Variants in CD302 observed in about 807,000 individuals in gnomAD.
CD302 encodes the protein CD302 antigen.
A neutral mutation model predicts 26.5 loss-of-function variants in CD302; 23 were observed. That is an observed-to-expected ratio of 0.87 (90% CI 0.62 to 1.23). CD302 has a LOEUF of 1.23. CD302 is among the 50% of genes most tolerant of loss of function. The probability of loss-of-function intolerance (pLI) is 0.00; values close to 1 mark genes in which losing one functional copy is unlikely to be tolerated. For synonymous variants in CD302, 90 were observed against 99.4 expected, an observed-to-expected ratio of 0.91 and a Z score of 0.56; for missense variants, 290 against 275.5, an observed-to-expected ratio of 1.05 and a Z score of -0.37.
intron 1 of CD302, among the ~76,000 whole-genome samples, chr2:159,786,339 T>C (rs1351151737): frequency 6.7e-6 from 1 of 148,610 alleles, no homozygotes; most frequent in Non-Finnish European, 1.5e-5. Flanking sequence ...TTTCTTTTTT[T>C]TTTTTTTTTT....
At chr2:159,795,562 T>C (rs1708930527) in intron 1 of CD302, among the ~76,000 whole-genome samples, 1 of 152,100 alleles carries the variant, frequency 6.6e-6, no homozygotes, top group Non-Finnish European at 1.5e-5. Flanking sequence ...AGATAAAACA[T>C]GGACATGTGA....
chr2:159,779,243 A>C lies in CD302; in HGVS notation c.469+762T>G, dbSNP rs1248670579. On this transcript the variant is annotated intron_variant, in intron 4 of 5. Coordinates refer to ENST00000259053, the MANE Select transcript of CD302 (RefSeq NM_014880.5). ...GAGACTGCATCGCAAAAAAAAAAAA[A>C]AAAAAAAAAAAAACCTTCTGACGGG... Among the ~76,000 whole-genome samples the C allele has an allele frequency of 4.0e-5, 6 of 151,416 alleles. No individual in the cohort carries two copies. The East Asian group carries it at 5.8e-4, about 15-fold the overall frequency.
At chr2:159,780,287 C>A in intron 3 of CD302, 109 bp from the exon 4 acceptor site, 1 of 1,174,448 alleles carries the variant, frequency 8.5e-7, no homozygotes, top group East Asian at 2.5e-5. Flanking sequence ...CTGGTCTAAA[C>A]TTCTGATTGT....
chr2:159,792,659 AC>A (rs1708839569), intron 1 of CD302, among the ~76,000 whole-genome samples: 1 of 152,084 alleles, frequency 6.6e-6, no homozygotes. Context: ...TGGACAACTT[AC>A]GATTTTTTGA....
chr2:159,797,993 G>T, intron 1 of CD302, 139 bp downstream of exon 1: 1 of 769,034 alleles, frequency 1.3e-6, no homozygotes, highest in South Asian at 1.9e-5. Context: ...GGGGACGGGC[G>T]TGCAGGGAAG....
chr2:159,785,463 A>G (rs1168060307), intron 1 of CD302, among the ~76,000 whole-genome samples: 1 of 152,216 alleles, frequency 6.6e-6, no homozygotes, highest in East Asian at 1.9e-4. Context: ...AAACATTAAA[A>G]CAATCTGGCT....
chr2:159,774,758 C>G (rs79306938), intron 5 of CD302, among the ~76,000 whole-genome samples: 9,835 of 152,292 alleles, frequency 0.065, 400 homozygotes, highest in Non-Finnish European at 0.093. Context: ...ACACTAGGTG[C>G]ATCCGACTAT....
intron 2 of CD302, 69 bp from the exon 3 acceptor site, chr2:159,781,067 AAAT>A (rs1375679635): frequency 1.6e-6 from 2 of 1,227,454 alleles, no homozygotes; most frequent in African/African-American, 1.5e-5. Flanking sequence ...AGGTACATAA[AAAT>A]AATAAATAGT....
chr2:159,781,419 G>C (rs903932836), intron 2 of CD302: 2 of 156,790 alleles, frequency 1.3e-5, no homozygotes, highest in African/African-American at 4.8e-5. Flanking sequence ...AATTAGTTGG[G>C]TCTGGTGGCA....
intron 1 of CD302, among the ~76,000 whole-genome samples, chr2:159,791,056 A>G (rs1708794233): frequency 1.3e-5 from 2 of 152,220 alleles, no homozygotes; most frequent in South Asian, 4.1e-4. Flanking sequence ...ATTAAGGTAT[A>G]TTCTTATTTC....
In CD302 at chr2:159,798,194, A is replaced by G; in HGVS notation, c.5T>C (p.Leu2Pro). The change falls in exon 1 of 6, where the codon CTC (leucine) becomes CCC (proline). Residue 2 changes from leucine to proline, a missense_variant. Coordinates refer to ENST00000259053, the MANE Select transcript of CD302 (RefSeq NM_014880.5). ...CAGGAGCGCGGGCAGCGCGGCCCGG[A>G]GCATGACGGCGGGTGCGGGTGGGCG... M[L>P]RAALPALLLP... The G allele has an allele frequency of 2.1e-6, 3 of 1,449,056 alleles. No homozygotes were observed. Among genetic ancestry groups the G allele is most frequent in the Admixed American group, 2.5e-5 (1 of 39,376 alleles). 89.8% of individuals were successfully genotyped at this position (1,449,056 alleles called of 1,614,324 possible). A position where few individuals can be genotyped will look rare whatever the true frequency, so the allele number is the denominator to read the frequency against.
chr2:159,784,973 T>A (rs1332288088), intron 1 of CD302, among the ~76,000 whole-genome samples: 1 of 8,842 alleles, frequency 1.1e-4, no homozygotes, highest in Admixed American at 1.6e-3. Flanking sequence ...CCGTACAGAC[T>A]TTTTTTTTTT....
chr2:159,794,649 C>T (rs1223246991), intron 1 of CD302, among the ~76,000 whole-genome samples: 1 of 151,626 alleles, frequency 6.6e-6, no homozygotes, highest in Non-Finnish European at 1.5e-5. Flanking sequence ...CCTGGGTTCA[C>T]GCCATTCTCC....
At chr2:159,795,603 G>C (rs1574506347) in intron 1 of CD302, among the ~76,000 whole-genome samples, 1 of 152,364 alleles carries the variant, frequency 6.6e-6, no homozygotes, top group South Asian at 2.1e-4. Flanking sequence ...GGAGGCTTCG[G>C]AGAAGGTGAC....
intron 1 of CD302, among the ~76,000 whole-genome samples, chr2:159,797,578 T>G (rs1682494240): frequency 1.3e-5 from 2 of 152,222 alleles, no homozygotes; most frequent in African/African-American, 4.8e-5. Flanking sequence ...CTATTCCCGT[T>G]CCTCTTCCAT....
rs552635210 is a variant in CD302, at chr2:159,781,804, A to G, written c.179-806T>C. On this transcript the variant is annotated intron_variant, in intron 2 of 5. Transcript: ENST00000259053. ...GTTCATGTAAGACTTTTTCAAAGGGAAACAACATATATGTATTAAGTACTA... is the reference window on the plus strand; with the variant it reads ...GTTCATGTAAGACTTTTTCAAAGGGGAACAACATATATGTATTAAGTACTA... 8.5e-5 allele frequency among the ~76,000 whole-genome samples: 13 copies of G among 152,312 alleles called. No individual in the cohort carries two copies. The East Asian group carries it at 2.3e-3, about 27-fold the overall frequency.
chr2:159,797,242 C>A, intron 1 of CD302, among the ~76,000 whole-genome samples: 1 of 150,076 alleles, frequency 6.7e-6, no homozygotes, highest in Non-Finnish European at 1.5e-5. Context: ...GAATCTCTTG[C>A]ATTTTATTTA....
intron 1 of CD302, among the ~76,000 whole-genome samples, chr2:159,790,468 C>T (rs903375571): frequency 2.0e-5 from 3 of 152,122 alleles, no homozygotes; most frequent in Non-Finnish European, 1.5e-5. Context: ...AATGAGTGAA[C>T]TAGGATAAAA....
chr2:159,794,832 GCCA>G (rs1708907635), intron 1 of CD302, among the ~76,000 whole-genome samples: 1 of 151,810 alleles, frequency 6.6e-6, no homozygotes, highest in Non-Finnish European at 1.5e-5. Flanking sequence ...ACAGGCGTGA[GCCA>G]CCACGCCCAG....
Sources: allele counts gnomAD v4.1 joint callset (sites outside exome capture counted in the v4.1 genomes callset), GRCh38; gene constraint gnomAD v4.1.1; transcripts MANE v1.5; gene names NCBI Gene and HGNC (gene_info 2026-07-23, HGNC 2026-07-21).